Variants in GTF3C1 observed in about 807,000 individuals in gnomAD.
The protein encoded by GTF3C1 is general transcription factor 3C polypeptide 1.
A neutral mutation model predicts 226.7 loss-of-function variants in GTF3C1; 57 were observed. The ratio of observed to expected loss-of-function variants is 0.25; its 90% CI spans 0.20 to 0.31. The LOEUF (loss-of-function observed/expected upper bound fraction) is 0.31. GTF3C1 is among the 10% of genes least tolerant of loss of function. The probability of loss-of-function intolerance (pLI) is 1.00; values close to 1 mark genes in which losing one functional copy is unlikely to be tolerated. For synonymous variants in GTF3C1, 1,090 were observed against 1,084.8 expected (o/e 1.00, Z -0.09); for missense variants, 2,217 against 2,776.1 (o/e 0.80, Z 4.53).
intron 6 of GTF3C1, among the ~76,000 whole-genome samples, chr16:27,515,617 G>C (rs752313473): frequency 3.3e-5 from 5 of 152,198 alleles, no homozygotes; most frequent in Non-Finnish European, 7.3e-5. Context: ...AGGGAAGGTA[G>C]GGATGAACTT....
At chr16:27,541,495 A>T (rs2089082087) in intron 2 of GTF3C1, among the ~76,000 whole-genome samples, 1 of 152,210 alleles carries the variant, frequency 6.6e-6, no homozygotes, top group Non-Finnish European at 1.5e-5. Context: ...AACAAGAAGG[A>T]TAGAGTCCCT....
chr16:27,542,942 A>G (rs1217144304), intron 2 of GTF3C1, among the ~76,000 whole-genome samples: 3 of 152,260 alleles, frequency 2.0e-5, no homozygotes, highest in African/African-American at 7.2e-5. Context: ...TTCTAGCAAC[A>G]CACAACACAC....
chr16:27,489,563 GC>G, intron 20 of GTF3C1, 38 bp downstream of exon 20: 1 of 1,534,964 alleles, frequency 6.5e-7, no homozygotes, highest in Non-Finnish European at 8.9e-7. Flanking sequence ...CACCACCGCA[GC>G]CCAGTCCTGG....
chr16:27,466,083 C>CCAGA (rs35092528), intron 32 of GTF3C1: 27,262 of 158,000 alleles, frequency 0.17, 2,576 homozygotes, highest in African/African-American at 0.25. Flanking sequence ...AGTCCAAACT[C>CCAGA]CAAAGTATAG....
chr16:27,464,244 T>G (rs2141339276), intron 34 of GTF3C1, 76 bp downstream of exon 34: 5 of 892,926 alleles, frequency 5.6e-6, no homozygotes, highest in East Asian at 3.2e-5. Flanking sequence ...CGGAGGAAGG[T>G]GTGAGGCCCA....
chr16:27,512,646 T>C (rs1301754066), intron 6 of GTF3C1, among the ~76,000 whole-genome samples: 1 of 152,186 alleles, frequency 6.6e-6, no homozygotes, highest in African/African-American at 2.4e-5. Flanking sequence ...TGCATCTATA[T>C]TGCAACCTAC....
chr16:27,503,785 C>T (rs903834043), intron 10 of GTF3C1, among the ~76,000 whole-genome samples: 4 of 152,196 alleles, frequency 2.6e-5, no homozygotes, highest in African/African-American at 9.7e-5. Flanking sequence ...TTGTGAATCA[C>T]TGGACCCAAG....
intron 26 of GTF3C1, among the ~76,000 whole-genome samples, chr16:27,481,402 C>T (rs1000630593): frequency 5.3e-5 from 8 of 152,132 alleles, no homozygotes; most frequent in African/African-American, 1.7e-4. Flanking sequence ...CACCACTACG[C>T]TCAGGAAACT....
chr16:27,497,046 T>C (rs922615058), intron 14 of GTF3C1, among the ~76,000 whole-genome samples: 3 of 152,252 alleles, frequency 2.0e-5, no homozygotes, highest in Non-Finnish European at 4.4e-5. Flanking sequence ...TAGTGTGTCC[T>C]GGACCTGACG....
chr16:27,461,684 C>T lies in GTF3C1; in HGVS notation c.6118-122G>A. Reference sequence around the variant, plus strand: ...GAGCCACTTCCCAGAGCAGGGGGCACCTGAACTGGGCATGAGGCAGATGGG... The same window carrying T: ...GAGCCACTTCCCAGAGCAGGGGGCATCTGAACTGGGCATGAGGCAGATGGG... On this transcript the variant is annotated intron_variant, in intron 36 of 36. Coordinates refer to ENST00000356183, the MANE Select transcript of GTF3C1 (RefSeq NM_001520.4). This position sits in a 1 kb window ranked among gnomAD's most constrained non-coding sequence, Gnocchi z 5.3. The T allele has an allele frequency of 2.8e-6, 2 of 724,776 alleles. No homozygotes were observed. Among genetic ancestry groups the T allele is most frequent in the South Asian group, 3.4e-5 (2 of 59,586 alleles). The allele number at this position is 724,776 out of a possible 1,614,324, so 44.9% of individuals were successfully genotyped here.
chr16:27,503,205 C>A (rs976338822), intron 10 of GTF3C1, among the ~76,000 whole-genome samples: 1 of 152,156 alleles, frequency 6.6e-6, no homozygotes, highest in Non-Finnish European at 1.5e-5. Flanking sequence ...AGCAGAGGAC[C>A]CCGGACCACT....
rs1491565674 is a variant in GTF3C1 at position 27,546,485 on chromosome 16, T to TG, written c.222-963dup. 4.2e-3 allele frequency among the ~76,000 whole-genome samples: 369 copies of TG among 88,636 alleles called. 2 individuals carry two copies. Among genetic ancestry groups the TG allele is most frequent in the Non-Finnish European group, 6.5e-3 (281 of 43,298 alleles). 58.1% of individuals were successfully genotyped at this position (88,636 alleles called of 152,430 possible). A position where few individuals can be genotyped will look rare whatever the true frequency, so the allele number is the denominator to read the frequency against. ...CAAGCTTGTCAAGTTTTTTTTTTTT[T>TG]GAAAAAAAAAAAAAATACATACATA... On this transcript the variant is annotated intron_variant, in intron 1 of 36. Coordinates refer to ENST00000356183, the MANE Select transcript of GTF3C1 (RefSeq NM_001520.4).
rs2088256248 is a variant in GTF3C1 at position 27,492,992 on chromosome 16, G to C, written c.2876+207C>G. Among the ~76,000 whole-genome samples the C allele has an allele frequency of 1.3e-5, 2 of 152,170 alleles. No individual in the cohort carries two copies. ...CCGATACTTGCAGACACTAGCAGCA[G>C]ATTTTACTTTAAAAGAACCTTCAAA... On this transcript the variant is annotated intron_variant, in intron 17 of 36. Transcript: ENST00000356183. The surrounding 1 kb of genome is among the most constrained non-coding windows in gnomAD (Gnocchi z 5.0).
chr16:27,468,567 GTGCCAC>G (rs2087817766), intron 32 of GTF3C1, among the ~76,000 whole-genome samples: 1 of 152,112 alleles, frequency 6.6e-6, no homozygotes, highest in African/African-American at 2.4e-5. Context: ...AGCTATCATC[GTGCCAC>G]TGCACTCCAG....
In GTF3C1 at chr16:27,545,418, G is replaced by A; in HGVS notation, c.327C>T (p.Gly109=). 6.2e-7 allele frequency: 1 copy of A among 1,611,038 alleles called. No homozygotes were observed. Among genetic ancestry groups the A allele is most frequent in the Non-Finnish European group, 8.5e-7 (1 of 1,177,194 alleles). The change falls in exon 2 of 37, where the codon GGC becomes GGT. Residue 109 remains glycine, a synonymous_variant. Coordinates refer to ENST00000356183, the MANE Select transcript of GTF3C1 (RefSeq NM_001520.4). ...PIHMILENKD[G]IQGSCRYFKE... Reference sequence around the variant, plus strand: ...TAAAGTAGCGGCATGAGCCCTGGATGCCATCCTTATTCTCTAAGATCATAT... The same window carrying A: ...TAAAGTAGCGGCATGAGCCCTGGATACCATCCTTATTCTCTAAGATCATAT...
At chr16:27,538,791 G>A (rs2089038094) in intron 2 of GTF3C1, among the ~76,000 whole-genome samples, 2 of 152,052 alleles carry the variant, frequency 1.3e-5, no homozygotes, top group Admixed American at 6.6e-5. Context: ...TCCTCGGCCT[G>A]GCTGCTTTTC....
intron 2 of GTF3C1, among the ~76,000 whole-genome samples, chr16:27,540,145 T>C (rs1252683505): frequency 6.6e-6 from 1 of 152,232 alleles, no homozygotes; most frequent in African/African-American, 2.4e-5. Flanking sequence ...GATGACTTTA[T>C]TTCTACCACT....
At position 27,549,688 on chromosome 16, in the gene GTF3C1, T is replaced by A; in HGVS notation, c.203A>T (p.Asp68Val). 7.4e-7 allele frequency: 1 copy of A among 1,344,416 alleles called. No individual in the cohort carries two copies. Among genetic ancestry groups the A allele is most frequent in the Non-Finnish European group, 9.8e-7 (1 of 1,016,014 alleles). 83.3% of individuals were successfully genotyped at this position (1,344,416 alleles called of 1,614,324 possible). ...CGCTGACCGGTCCTGGAGCTGTAGGTCGGGTCGCTCCCGAGGCTCCTCATA... is the reference window on the plus strand; with the variant it reads ...CGCTGACCGGTCCTGGAGCTGTAGGACGGGTCGCTCCCGAGGCTCCTCATA... Reference protein sequence around the residue: ...SFYEEPRERPDLQLQDRYEEI... With the variant: ...SFYEEPRERPVLQLQDRYEEI... The change falls in exon 1 of 37, where the codon GAC becomes GTC. Residue 68 changes from aspartate (D) to valine (V), a missense_variant. Asp to Val is a radical substitution (Grantham distance 152, BLOSUM62 -3). Around this residue, in one of 12 missense-constraint regions of GTF3C1, gnomAD observed 192 missense variants for 251.8 expected, o/e 0.76. Transcript: ENST00000356183.
chr16:27,500,659 T>C (rs996183589), intron 12 of GTF3C1, among the ~76,000 whole-genome samples: 1 of 152,164 alleles, frequency 6.6e-6, no homozygotes, highest in African/African-American at 2.4e-5. Context: ...CCTTAGAATG[T>C]CCGTGAAGCT....
Sources: gnomAD v4.1 joint callset for allele counts (sites outside exome capture counted in the v4.1 genomes callset) on GRCh38, gnomAD v4.1.1 for gene constraint, gnomAD v4.1.1 regional missense constraint, Gnocchi (gnomAD v3.1) non-coding constraint, MANE v1.5 for transcripts, NCBI Gene and HGNC (gene_info 2026-07-23, HGNC 2026-07-21) for gene names.